Variants in GPR158 observed in about 807,000 individuals in gnomAD.
GPR158 encodes G protein-coupled receptor 158.
In GPR158, 30 loss-of-function variants were observed where a neutral mutation model predicts 78.2. The ratio of observed to expected loss-of-function variants is 0.38; its 90% CI spans 0.29 to 0.52. The LOEUF (loss-of-function observed/expected upper bound fraction) is 0.52, where lower values mean the gene tolerates loss of function less well. GPR158 is among the 20% of genes least tolerant of loss of function. The pLI, the probability that GPR158 is intolerant of heterozygous loss-of-function variation, is 0.83. For synonymous variants in GPR158, 581 were observed against 591.1 expected (o/e 0.98, Z 0.25); for missense variants, 1,463 against 1,523.5 (o/e 0.96, Z 0.66).
At chr10:25,586,801 T>C (rs1444919873) in intron 7 of GPR158, among the ~76,000 whole-genome samples, 3 of 152,122 alleles carry the variant, frequency 2.0e-5, no homozygotes, top group African/African-American at 7.2e-5. Context: ...ATGATCAAAA[T>C]GGAGTTTCAG....
In GPR158 at chr10:25,453,585, G is replaced by A. The variant is rs538109747; in HGVS notation, c.1336-13066G>A. Among the ~76,000 whole-genome samples, 3 of 152,058 alleles carry A rather than the reference G, an allele frequency of 2.0e-5. No homozygotes were observed. In the South Asian group the frequency reaches 6.2e-4, roughly 31 times the overall value. ...TCTTATTAATTCCAATTAATGAGTG[G>A]ATTTCTGTGTATGTGTATTATGTGA... On this transcript the variant is annotated intron_variant, in intron 4 of 10. Coordinates refer to ENST00000376351, the MANE Select transcript of GPR158 (RefSeq NM_020752.3).
At chr10:25,385,275 T>C (rs936241246) in intron 2 of GPR158, among the ~76,000 whole-genome samples, 6 of 152,192 alleles carry the variant, frequency 3.9e-5, no homozygotes, top group African/African-American at 1.2e-4. Context: ...TGTTCAACCA[T>C]GTTGAAGCAG....
chr10:25,537,715 C>T (rs1487476119), intron 5 of GPR158, among the ~76,000 whole-genome samples: 1 of 152,054 alleles, frequency 6.6e-6, no homozygotes, highest in African/African-American at 2.4e-5. Context: ...GAGGAGGGGC[C>T]TGGTGGGAGG....
intron 2 of GPR158, among the ~76,000 whole-genome samples, chr10:25,316,257 A>G (rs536621388): frequency 5.3e-5 from 8 of 152,318 alleles, no homozygotes; most frequent in African/African-American, 1.4e-4. Flanking sequence ...GGCTCTCCCT[A>G]TATGTAGATT....
chr10:25,281,311 C>T (rs1200168648), intron 2 of GPR158, among the ~76,000 whole-genome samples: 9 of 150,578 alleles, frequency 6.0e-5, no homozygotes, highest in East Asian at 2.0e-4. Context: ...CACCTGTAAT[C>T]GCAGCACCTT....
At chr10:25,405,954 T>C (rs1034165657) in intron 3 of GPR158, among the ~76,000 whole-genome samples, 3 of 152,102 alleles carry the variant, frequency 2.0e-5, no homozygotes, top group Non-Finnish European at 4.4e-5. Context: ...TGTTCAAATC[T>C]GGGTGCACCA....
At chr10:25,425,194 G>A (rs1001139174) in intron 4 of GPR158, among the ~76,000 whole-genome samples, 26 of 152,138 alleles carry the variant, frequency 1.7e-4, no homozygotes, top group Admixed American at 1.6e-3. Context: ...TGTTATTGGT[G>A]TATAGGAATG....
chr10:25,580,903 T>TTTTCA (rs1837184205), intron 7 of GPR158, among the ~76,000 whole-genome samples: 1 of 116,270 alleles, frequency 8.6e-6, no homozygotes, highest in African/African-American at 3.8e-5. Context: ...TTTTTTTATT[T>TTTTCA]TTTTATTTTA....
intron 2 of GPR158, among the ~76,000 whole-genome samples, chr10:25,223,294 C>G (rs1260343410): frequency 6.6e-6 from 1 of 152,206 alleles, no homozygotes; most frequent in East Asian, 1.9e-4. Flanking sequence ...AACTTGCACT[C>G]TGTCATTCTC....
chr10:25,407,892 C>T (rs559133736), intron 3 of GPR158, among the ~76,000 whole-genome samples: 5 of 152,262 alleles, frequency 3.3e-5, no homozygotes, highest in African/African-American at 1.2e-4. Flanking sequence ...TTACATAAAG[C>T]ATATCATGTT....
At chr10:25,416,385 T>A (rs1834660398) in intron 4 of GPR158, among the ~76,000 whole-genome samples, 1 of 152,196 alleles carries the variant, frequency 6.6e-6, no homozygotes, top group African/African-American at 2.4e-5. Flanking sequence ...TATTTATATG[T>A]GGCTTTTTGT....
chr10:25,300,734 G>C (rs1006821677), intron 2 of GPR158, among the ~76,000 whole-genome samples: 2 of 151,946 alleles, frequency 1.3e-5, no homozygotes, highest in African/African-American at 2.4e-5. Flanking sequence ...AATGAGTGAG[G>C]GTATAAGAAA....
rs182000939 is a variant in GPR158, at chr10:25,498,370, A to G, written c.1404+31651A>G. Among the ~76,000 whole-genome samples the G allele has an allele frequency of 4.6e-5, 7 of 152,218 alleles. No homozygotes were observed. In the East Asian group the frequency reaches 1.4e-3, roughly 29 times the overall value. On this transcript the variant is annotated intron_variant, in intron 5 of 10. Coordinates refer to ENST00000376351, the MANE Select transcript of GPR158 (RefSeq NM_020752.3). Reference sequence around the variant, plus strand: ...AAGGCACACTTAGCTCTAAATACAGACCTCTTTGTAATGTAGTGGTTCTCA... The same window carrying G: ...AAGGCACACTTAGCTCTAAATACAGGCCTCTTTGTAATGTAGTGGTTCTCA...
At position 25,295,574 on chromosome 10, in the gene GPR158, C is replaced by T. The variant is rs111249344; in HGVS notation, c.1008+74417C>T. On this transcript the variant is annotated intron_variant, in intron 2 of 10. Transcript: ENST00000376351. ...GACTACAGGCGCCCGCCACTACGCCCGGCTAATTTTTTGTATTTTTAGTAG... is the reference window on the plus strand; with the variant it reads ...GACTACAGGCGCCCGCCACTACGCCTGGCTAATTTTTTGTATTTTTAGTAG... Among the ~76,000 whole-genome samples, 1,357 of 152,148 alleles carry T rather than the reference C, an allele frequency of 8.9e-3. 19 individuals carry two copies. The highest frequency in any genetic ancestry group is 0.03 in the African/African-American group (1,242 of 41,494).
At chr10:25,430,808 T>C (rs1325140939) in intron 4 of GPR158, among the ~76,000 whole-genome samples, 1 of 149,564 alleles carries the variant, frequency 6.7e-6, no homozygotes, top group African/African-American at 2.5e-5. Context: ...TGGCTAGCCA[T>C]ATGTAGAAAG....
At chr10:25,484,679 G>A (rs2987833) in intron 5 of GPR158, among the ~76,000 whole-genome samples, 68,082 of 152,024 alleles carry the variant, frequency 0.45, 16,295 homozygotes, top group East Asian at 0.8. Flanking sequence ...TGAAAAGGGT[G>A]AAGTATCAGT....
intron 4 of GPR158, among the ~76,000 whole-genome samples, chr10:25,434,952 T>C (rs1232928547): frequency 2.6e-5 from 4 of 152,146 alleles, no homozygotes; most frequent in African/African-American, 9.7e-5. Flanking sequence ...CATTAGATGT[T>C]AGAGAGCACA....
chr10:25,522,835 T>C (rs10828815), intron 5 of GPR158, among the ~76,000 whole-genome samples: 53,434 of 152,108 alleles, frequency 0.35, 9,591 homozygotes, highest in East Asian at 0.48. Context: ...GGTAAAGTTT[T>C]CAGTTTTTTA....
intron 2 of GPR158, among the ~76,000 whole-genome samples, chr10:25,226,235 C>T (rs1853370812): frequency 6.6e-6 from 1 of 152,198 alleles, no homozygotes; most frequent in Admixed American, 6.5e-5. Context: ...AAGGAAGTTT[C>T]TGTCCTCACT....
Sources: allele counts gnomAD v4.1 joint callset (sites outside exome capture counted in the v4.1 genomes callset), GRCh38; gene constraint gnomAD v4.1.1; transcripts MANE v1.5; gene names NCBI Gene and HGNC (gene_info 2026-07-23, HGNC 2026-07-21).